Variants in LRRC4C observed in about 807,000 individuals in gnomAD.
LRRC4C encodes the protein leucine rich repeat containing 4C.
Under a neutral mutation model 33.6 loss-of-function variants are expected in LRRC4C, and 5 were observed. That is an observed-to-expected ratio of 0.15 (90% CI 0.08 to 0.31). LRRC4C has a LOEUF of 0.31. Ranked by LOEUF, LRRC4C falls within the 10% of genes least tolerant of loss-of-function variation. The pLI is 1.00. For synonymous variants in LRRC4C, 329 were observed against 302.0 expected (o/e 1.09, Z -0.93); for missense variants, 560 against 796.7 (o/e 0.70, Z 3.58).
intron 1 of LRRC4C, among the ~76,000 whole-genome samples, chr11:41,279,422 ACACACACCG>A (rs1949592187): frequency 2.2e-5 from 3 of 138,314 alleles, no homozygotes; most frequent in African/African-American, 8.6e-5. Context: ...ACACACACAC[ACACACACCG>A]TGGCAATCAC....
intron 5 of LRRC4C, among the ~76,000 whole-genome samples, chr11:40,226,279 G>A (rs1864788569): frequency 6.6e-6 from 1 of 152,066 alleles, no homozygotes; most frequent in Non-Finnish European, 1.5e-5. Context: ...TCAGTATTAG[G>A]CCAATACGTT....
chr11:40,945,326 T>C (rs962094260), intron 1 of LRRC4C, among the ~76,000 whole-genome samples: 24 of 152,138 alleles, frequency 1.6e-4, no homozygotes, highest in Non-Finnish European at 2.6e-4. Context: ...GGGCCAACTT[T>C]GCAGTTTTTC....
At chr11:40,447,490 A>G (rs1464381616) in intron 3 of LRRC4C, among the ~76,000 whole-genome samples, 1 of 152,168 alleles carries the variant, frequency 6.6e-6, no homozygotes, top group African/African-American at 2.4e-5. Flanking sequence ...ACTTAACTTT[A>G]TATGATATGG....
intron 1 of LRRC4C, among the ~76,000 whole-genome samples, chr11:40,938,445 T>C (rs998071540): frequency 2.0e-5 from 3 of 152,084 alleles, no homozygotes; most frequent in Non-Finnish European, 4.4e-5. Context: ...ACAACAATAA[T>C]AACAATGACG....
At chr11:41,022,142 T>TA (rs1565309607) in intron 1 of LRRC4C, among the ~76,000 whole-genome samples, 2,487 of 139,044 alleles carry the variant, frequency 0.018, 28 homozygotes, top group Middle Eastern at 0.037. Context: ...CAATTTTGTT[T>TA]TATATATATA....
chr11:40,754,540 A>T (rs1317934495), intron 2 of LRRC4C, among the ~76,000 whole-genome samples: 2 of 152,056 alleles, frequency 1.3e-5, no homozygotes, highest in African/African-American at 4.8e-5. Context: ...CCTAAGGCTA[A>T]TCAGCCAGGT....
At chr11:40,744,018 G>A (rs1249963060) in intron 2 of LRRC4C, among the ~76,000 whole-genome samples, 1 of 151,994 alleles carries the variant, frequency 6.6e-6, no homozygotes, top group African/African-American at 2.4e-5. Context: ...CCAAATCTCT[G>A]CCAACGAATT....
rs541726802 is a variant in LRRC4C at position 40,801,248 on chromosome 11, T to C, written c.-407+132387A>G. Reference sequence around the variant, plus strand: ...CAATTTATGAGAAAAATTTTATCTATTTTCCACAGGAATCAAGCATGCACC... The same window carrying C: ...CAATTTATGAGAAAAATTTTATCTACTTTCCACAGGAATCAAGCATGCACC... On this transcript the variant is annotated intron_variant, in intron 2 of 6. Transcript: ENST00000528697. 2.1e-4 allele frequency among the ~76,000 whole-genome samples: 32 copies of C among 152,296 alleles called. No individual in the cohort carries two copies. The South Asian group carries it at 6.6e-3, about 32-fold the overall frequency.
intron 3 of LRRC4C, among the ~76,000 whole-genome samples, chr11:40,400,342 G>A (rs1002219982): frequency 3.9e-5 from 6 of 152,020 alleles, no homozygotes; most frequent in Non-Finnish European, 5.9e-5. Context: ...ATTTCATGAC[G>A]ATCTCCAAAG....
At chr11:40,540,359 G>T (rs1233868057) in intron 3 of LRRC4C, among the ~76,000 whole-genome samples, 3 of 152,060 alleles carry the variant, frequency 2.0e-5, no homozygotes, top group Admixed American at 6.6e-5. Context: ...AAACTGTCAG[G>T]TCTGTCTGTT....
At chr11:40,543,585 C>A (rs182910816) in intron 3 of LRRC4C, among the ~76,000 whole-genome samples, 157 of 152,168 alleles carry the variant, frequency 1.0e-3, no homozygotes, top group Non-Finnish European at 1.5e-3. Context: ...CCTGAAAAGG[C>A]AGCTGGATGG....
intron 1 of LRRC4C, among the ~76,000 whole-genome samples, chr11:41,143,615 T>C (rs935930579): frequency 6.6e-6 from 1 of 152,058 alleles, no homozygotes; most frequent in Non-Finnish European, 1.5e-5. Context: ...AAAAGGAAAC[T>C]CCAAAAATAA....
chr11:40,432,639 T>A (rs894186543), intron 3 of LRRC4C, among the ~76,000 whole-genome samples: 1 of 152,218 alleles, frequency 6.6e-6, no homozygotes, highest in Non-Finnish European at 1.5e-5. Context: ...CTTCTCTACA[T>A]GAATGTATGG....
intron 2 of LRRC4C, among the ~76,000 whole-genome samples, chr11:40,894,276 A>G (rs1420791830): frequency 6.6e-6 from 1 of 152,118 alleles, no homozygotes; most frequent in African/African-American, 2.4e-5. Flanking sequence ...CAAAATATAA[A>G]TATTCCCTCA....
intron 1 of LRRC4C, among the ~76,000 whole-genome samples, chr11:40,974,009 G>T (rs796726973): frequency 6.6e-6 from 1 of 151,974 alleles, no homozygotes; most frequent in Admixed American, 6.6e-5. Context: ...CTGTGACAAG[G>T]CTGGAATTTG....
chr11:41,090,015 CA>C (rs11366324), intron 1 of LRRC4C, among the ~76,000 whole-genome samples: 40,133 of 150,498 alleles, frequency 0.27, 5,475 homozygotes, highest in Admixed American at 0.35. Context: ...TATTGATATT[CA>C]AAAAAAAATT....
chr11:41,078,668 A>T (rs1464327952), intron 1 of LRRC4C, among the ~76,000 whole-genome samples: 1 of 151,742 alleles, frequency 6.6e-6, no homozygotes, highest in African/African-American at 2.4e-5. Context: ...TGAACCAATC[A>T]CCTCCCACCA....
At chr11:41,440,506 C>G (rs1955581644) in intron 1 of LRRC4C, among the ~76,000 whole-genome samples, 5 of 151,986 alleles carry the variant, frequency 3.3e-5, no homozygotes. Flanking sequence ...AAGCACAAAT[C>G]AAATGACAGT....
chr11:41,368,020 T>C (rs1022620492), intron 1 of LRRC4C, among the ~76,000 whole-genome samples: 3 of 152,198 alleles, frequency 2.0e-5, no homozygotes, highest in Non-Finnish European at 2.9e-5. Flanking sequence ...TTTTACAAAG[T>C]GCTTGGGAAA....
Sources: gnomAD v4.1 joint callset for allele counts (sites outside exome capture counted in the v4.1 genomes callset) on GRCh38, gnomAD v4.1.1 for gene constraint, MANE v1.5 for transcripts, NCBI Gene and HGNC (gene_info 2026-07-23, HGNC 2026-07-21) for gene names.